Variants in NRXN1 observed in about 807,000 individuals in gnomAD.
NRXN1 encodes the protein neurexin 1.
In NRXN1, 39 loss-of-function variants were observed where a neutral mutation model predicts 150.9. That is an observed-to-expected ratio of 0.26 (90% CI 0.20 to 0.34). The LOEUF (loss-of-function observed/expected upper bound fraction) is 0.34. NRXN1 is among the 10% of genes least tolerant of loss of function. The pLI is 1.00. For missense variants in NRXN1, 1,815 were observed against 1,949.9 expected, an observed-to-expected ratio of 0.93 and a Z score of 1.30; for synonymous variants, 924 against 757.0, an observed-to-expected ratio of 1.22 and a Z score of -3.62.
At chr2:50,687,642 T>C (rs886615275) in intron 5 of NRXN1, among the ~76,000 whole-genome samples, 4 of 152,176 alleles carry the variant, frequency 2.6e-5, no homozygotes, top group African/African-American at 9.6e-5. Context: ...AGAAATAAAA[T>C]GCATGACTTT....
At chr2:50,046,299 T>C (rs985670718) in intron 21 of NRXN1, among the ~76,000 whole-genome samples, 8 of 152,192 alleles carry the variant, frequency 5.3e-5, no homozygotes, top group African/African-American at 1.4e-4. Context: ...GCCGCTTGCT[T>C]CCCATACATA....
chr2:50,465,269 T>TAA, intron 17 of NRXN1, 173 bp downstream of exon 17: 1 of 487,452 alleles, frequency 2.1e-6, no homozygotes, highest in Non-Finnish European at 3.3e-6. Context: ...ATTTAGCCAC[T>TAA]TTAACAATTA....
chr2:50,073,442 G>C (rs547948795), intron 19 of NRXN1, among the ~76,000 whole-genome samples: 1 of 152,142 alleles, frequency 6.6e-6, no homozygotes, highest in East Asian at 1.9e-4. Flanking sequence ...TTCTAACATG[G>C]CTTATCAATC....
intron 19 of NRXN1, among the ~76,000 whole-genome samples, chr2:50,070,279 A>C (rs1370624517): frequency 6.6e-6 from 1 of 152,206 alleles, no homozygotes; most frequent in Non-Finnish European, 1.5e-5. Context: ...AGAAAAATTT[A>C]AGAAGAAATC....
chr2:50,526,730 T>C (rs1247356112), intron 12 of NRXN1: 1 of 152,222 alleles, frequency 6.6e-6, no homozygotes, highest in Non-Finnish European at 1.5e-5. Flanking sequence ...TTCTTTCCAG[T>C]GACTGCTGTC....
rs1016074403 is a variant in NRXN1, at chr2:50,000,424, A to G, written c.4128+52847T>C. 1.3e-5 allele frequency among the ~76,000 whole-genome samples: 2 copies of G among 152,326 alleles called. 1 individual carries two copies. The highest frequency in any genetic ancestry group is 4.1e-4 in the South Asian group (2 of 4,830). On this transcript the variant is annotated intron_variant, in intron 21 of 22. Transcript: ENST00000401669. The stretch of plus-strand genomic sequence containing the variant: ...ACATCATCATAGCTTTTGAGTTAAT[A>G]TTATGTGATATCCATTTTACTAATT...
At chr2:50,398,617 T>A (rs1017099394) in intron 17 of NRXN1, among the ~76,000 whole-genome samples, 1 of 152,170 alleles carries the variant, frequency 6.6e-6, no homozygotes, top group Non-Finnish European at 1.5e-5. Context: ...CTAATTAACA[T>A]ACACAGTCAT....
intron 21 of NRXN1, among the ~76,000 whole-genome samples, chr2:50,006,186 G>T (rs1269904733): frequency 2.6e-5 from 4 of 151,972 alleles, no homozygotes; most frequent in African/African-American, 9.7e-5. Context: ...AATTCCTCTT[G>T]TTTCGGCAAT....
At chr2:50,674,552 T>C (rs1016832972) in intron 5 of NRXN1, among the ~76,000 whole-genome samples, 4 of 151,918 alleles carry the variant, frequency 2.6e-5, no homozygotes, top group Admixed American at 6.6e-5. Context: ...GAGAGGTGAG[T>C]TGAGAGGCTA....
At chr2:50,410,873 A>G (rs1048350974) in intron 17 of NRXN1, among the ~76,000 whole-genome samples, 2 of 152,200 alleles carry the variant, frequency 1.3e-5, no homozygotes, top group African/African-American at 4.8e-5. Context: ...TCAAAAGAGA[A>G]GGAGGCAAGT....
intron 5 of NRXN1, among the ~76,000 whole-genome samples, chr2:50,767,079 C>G (rs756192948): frequency 6.6e-6 from 1 of 151,904 alleles, no homozygotes; most frequent in Non-Finnish European, 1.5e-5. Flanking sequence ...TACAAGGAGC[C>G]CCGTATGCTG....
chr2:50,672,762 G>A (rs953076602), intron 5 of NRXN1, among the ~76,000 whole-genome samples: 10 of 151,922 alleles, frequency 6.6e-5, no homozygotes, highest in African/African-American at 2.4e-4. Context: ...TGATTATTTT[G>A]AAATTTATTA....
intron 5 of NRXN1, among the ~76,000 whole-genome samples, chr2:50,835,752 T>A (rs776058586): frequency 6.6e-6 from 1 of 152,210 alleles, no homozygotes; most frequent in Admixed American, 6.5e-5. Context: ...CAAGTATACA[T>A]ACTGTGTGGA....
At chr2:50,153,870 T>C (rs1367143448) in intron 18 of NRXN1, among the ~76,000 whole-genome samples, 1 of 151,704 alleles carries the variant, frequency 6.6e-6, no homozygotes, top group Non-Finnish European at 1.5e-5. Flanking sequence ...TAGTCAGAAA[T>C]CAAAACACAG....
intron 2 of NRXN1, among the ~76,000 whole-genome samples, chr2:50,989,160 G>A (rs756488543): frequency 1.3e-5 from 2 of 151,838 alleles, no homozygotes; most frequent in Admixed American, 6.6e-5. Context: ...CATAGTAACA[G>A]AATATTTTGA....
In NRXN1 at chr2:50,062,347, G is replaced by A. The variant is rs141572874; in HGVS notation, c.3719-7303C>T. 4.2e-3 allele frequency among the ~76,000 whole-genome samples: 637 copies of A among 152,138 alleles called. 6 individuals carry two copies. Among genetic ancestry groups the A allele is most frequent in the African/African-American group, 0.015 (605 of 41,498 alleles). ...TCCCTTCCCTCCTTCTGTGATACGA[G>A]GATACAATGAAAAGATGGTCACCTG... On this transcript the variant is annotated intron_variant, in intron 19 of 22. Coordinates refer to ENST00000401669, the MANE Select transcript of NRXN1 (RefSeq NM_001330078.2).
At chr2:50,164,165 C>T (rs1559007906) in intron 18 of NRXN1, among the ~76,000 whole-genome samples, 1 of 152,168 alleles carries the variant, frequency 6.6e-6, no homozygotes, top group Admixed American at 6.5e-5. Context: ...ATTGTAATTA[C>T]ATCTAATAAA....
At chr2:50,121,607 C>A (rs994078926) in intron 18 of NRXN1, among the ~76,000 whole-genome samples, 1 of 152,102 alleles carries the variant, frequency 6.6e-6, no homozygotes, top group Non-Finnish European at 1.5e-5. Context: ...CTTGGAGGAA[C>A]AACTGTACCT....
chr2:50,197,203 T>G (rs1022616504), intron 18 of NRXN1, among the ~76,000 whole-genome samples: 1 of 152,186 alleles, frequency 6.6e-6, no homozygotes, highest in African/African-American at 2.4e-5. Flanking sequence ...ATCTTTGTTT[T>G]TTTTTAGATG....
Sources: gnomAD v4.1 joint callset for allele counts (sites outside exome capture counted in the v4.1 genomes callset) on GRCh38, gnomAD v4.1.1 for gene constraint, MANE v1.5 for transcripts, NCBI Gene and HGNC (gene_info 2026-07-23, HGNC 2026-07-21) for gene names.